Variants in CBR4 observed in about 807,000 individuals in gnomAD.
The protein encoded by CBR4 is 3-oxoacyl-[acyl-carrier-protein] reductase.
CBR4 carries 22 observed loss-of-function variants against 21.0 expected under a neutral mutation model. The ratio of observed to expected loss-of-function variants is 1.05; its 90% CI spans 0.75 to 1.50. The LOEUF is 1.50. CBR4 is among the 40% of genes most tolerant of loss of function. The probability of loss-of-function intolerance (pLI) is 0.00; values close to 1 mark genes in which losing one functional copy is unlikely to be tolerated. For synonymous variants in CBR4, 100 were observed against 104.4 expected, an observed-to-expected ratio of 0.96 and a Z score of 0.26; for missense variants, 302 against 286.3, an observed-to-expected ratio of 1.05 and a Z score of -0.40.
At chr4:168,939,972 G>A (rs1192908665) in intron 2 of CBR4, among the ~76,000 whole-genome samples, 9 of 151,956 alleles carry the variant, frequency 5.9e-5, no homozygotes, top group South Asian at 2.1e-4. Context: ...AAAAGAGCCC[G>A]CATAGACAAG....
Position 168,987,912 on chromosome 4 carries a change from C to T in CBR4, c.*2238G>A. 1 of 983,572 alleles carries T rather than the reference C, an allele frequency of 1.0e-6. No individual in the cohort carries two copies. The highest frequency in any genetic ancestry group is 1.2e-6 in the Non-Finnish European group (1 of 828,426). 60.9% of individuals were successfully genotyped at this position (983,572 alleles called of 1,614,324 possible). A position where few individuals can be genotyped will look rare whatever the true frequency, so the allele number is the denominator to read the frequency against. On this transcript the variant is annotated 3_prime_UTR_variant, in exon 5 of 5. Coordinates refer to ENST00000306193, the MANE Select transcript of CBR4 (RefSeq NM_032783.5). ...AAAAGAGCACAAATTTTAAAGCCCT[C>T]CATGCAAAAAAAAATTAATACATTG...
intron 2 of CBR4, among the ~76,000 whole-genome samples, chr4:168,929,757 A>AAAT (rs1177440306): frequency 2.0e-5 from 3 of 152,200 alleles, no homozygotes; most frequent in African/African-American, 7.2e-5. Flanking sequence ...ATGGAGATTA[A>AAAT]AATAGCACCC....
At chr4:168,923,215 C>T (rs1324264621) in intron 2 of CBR4, among the ~76,000 whole-genome samples, 1 of 152,198 alleles carries the variant, frequency 6.6e-6, no homozygotes, top group African/African-American at 2.4e-5. Context: ...TCCCACTTCT[C>T]CCAGAATAGC....
intron 2 of CBR4, among the ~76,000 whole-genome samples, chr4:168,934,763 A>G (rs1763062628): frequency 6.6e-6 from 1 of 152,148 alleles, no homozygotes; most frequent in Admixed American, 6.5e-5. Flanking sequence ...AAGAAAGAAA[A>G]AAAACTGCCA....
intron 2 of CBR4, among the ~76,000 whole-genome samples, chr4:168,899,103 A>G (rs1292184656): frequency 1.3e-5 from 2 of 152,198 alleles, no homozygotes; most frequent in African/African-American, 2.4e-5. Flanking sequence ...CAGACAAGTA[A>G]TGCTCACCAC....
chr4:169,005,822 G>T, intron 3 of CBR4: 1 of 1,171,524 alleles, frequency 8.5e-7, no homozygotes, highest in Non-Finnish European at 1.1e-6. Context: ...TTTCAAAACA[G>T]AAAAACTCTA....
chr4:168,962,180 T>TA (rs1194524875), intron 2 of CBR4, among the ~76,000 whole-genome samples: 3 of 151,994 alleles, frequency 2.0e-5, no homozygotes, highest in Non-Finnish European at 4.4e-5. Context: ...ATCCTAAAAT[T>TA]AAAAGGTAAG....
Position 168,989,187 on chromosome 4 carries a change from A to T in CBR4, c.*963T>A. ...TCTAGAATTTTGGGATAAGAATCAT[A>T]ATCACTAATGCAAAATACTCTTAAT... On this transcript the variant is annotated 3_prime_UTR_variant, in exon 5 of 5. Coordinates refer to ENST00000306193, the MANE Select transcript of CBR4 (RefSeq NM_032783.5). 1 of 967,254 alleles carries T rather than the reference A, an allele frequency of 1.0e-6. No individual in the cohort carries two copies. The highest frequency in any genetic ancestry group is 1.2e-6 in the Non-Finnish European group (1 of 813,396). 59.9% of individuals were successfully genotyped at this position (967,254 alleles called of 1,614,324 possible). A position where few individuals can be genotyped will look rare whatever the true frequency, so the allele number is the denominator to read the frequency against.
At chr4:168,966,948 G>A (rs1230567329) in intron 2 of CBR4, among the ~76,000 whole-genome samples, 2 of 151,326 alleles carry the variant, frequency 1.3e-5, no homozygotes, top group African/African-American at 2.4e-5. Context: ...CCGGGAGGCC[G>A]AGCTTGCAGC....
chr4:168,921,840 A>T, intron 2 of CBR4: 1 of 946,314 alleles, frequency 1.1e-6, no homozygotes, highest in South Asian at 1.4e-5. Context: ...AAAATAAAGT[A>T]TTGAAAAAAT....
rs556133133 is a variant in CBR4, at chr4:168,960,053, A to G, written n.169+42018T>C. The stretch of plus-strand genomic sequence containing the variant: ...CAATATTACCTAATTTTCAACATAC[A>G]GGTTTTATACTTCTGTTAAATGTAT... On this transcript the variant is annotated intron_variant and non_coding_transcript_variant, in intron 2 of 3. Transcript: ENST00000509108. 3.0e-3 allele frequency among the ~76,000 whole-genome samples: 453 copies of G among 152,232 alleles called. 1 individual carries two copies. Among genetic ancestry groups the G allele is most frequent in the Non-Finnish European group, 5.3e-3 (361 of 68,004 alleles).
chr4:168,980,546 G>A (rs1013216088), intron 2 of CBR4, among the ~76,000 whole-genome samples: 2 of 151,860 alleles, frequency 1.3e-5, no homozygotes, highest in Non-Finnish European at 2.9e-5. Context: ...GACCAGCCTG[G>A]CCACCATGGT....
chr4:168,963,411 A>G (rs1763920341), intron 2 of CBR4, among the ~76,000 whole-genome samples: 1 of 152,150 alleles, frequency 6.6e-6, no homozygotes, highest in South Asian at 2.1e-4. Flanking sequence ...CAATGGATTG[A>G]CAATTAGAGC....
intron 2 of CBR4, among the ~76,000 whole-genome samples, chr4:168,962,036 C>T (rs1163458314): frequency 6.7e-6 from 1 of 149,466 alleles, no homozygotes; most frequent in African/African-American, 2.5e-5. Flanking sequence ...AAAAAAAAAA[C>T]CATTATATTA....
At chr4:168,984,184 G>T (rs1764619765), downstream of CBR4, among the ~76,000 whole-genome samples, 1 of 152,016 alleles carries the variant, frequency 6.6e-6, no homozygotes, top group South Asian at 2.1e-4. Context: ...AAGGCTCCTA[G>T]ATCTGATAAA....
At chr4:168,987,108 A>G (rs185115630), downstream of CBR4, among the ~76,000 whole-genome samples, 5 of 152,326 alleles carry the variant, frequency 3.3e-5, no homozygotes, top group African/African-American at 7.2e-5. Context: ...TACCATCTCC[A>G]TTTGGATTAT....
chr4:168,915,986 C>G lies in CBR4; in HGVS notation n.170-21221G>C. 5 of 1,613,818 alleles carry G rather than the reference C, an allele frequency of 3.1e-6. No homozygotes were observed. Among genetic ancestry groups the G allele is most frequent in the Non-Finnish European group, 4.2e-6 (5 of 1,179,720 alleles). On this transcript the variant is annotated intron_variant and non_coding_transcript_variant, in intron 2 of 3. Transcript: ENST00000509108. The stretch of plus-strand genomic sequence containing the variant: ...TCACTTCTTGCAGGCTCCTGGAGAT[C>G]TGACTGTTCAAGAAGGAAAACTCTG...
chr4:168,930,537 A>G (rs1157008533), intron 2 of CBR4, among the ~76,000 whole-genome samples: 1 of 152,226 alleles, frequency 6.6e-6, no homozygotes, highest in Non-Finnish European at 1.5e-5. Context: ...TGATGTCAGC[A>G]AGATGGCTGA....
intron 2 of CBR4, among the ~76,000 whole-genome samples, chr4:168,902,549 C>T (rs867637783): frequency 2.0e-5 from 3 of 151,902 alleles, no homozygotes; most frequent in Non-Finnish European, 4.4e-5. Flanking sequence ...GGCTGAGGCA[C>T]GAGAATTGTT....
Sources: gnomAD v4.1 joint callset for allele counts (sites outside exome capture counted in the v4.1 genomes callset) on GRCh38, gnomAD v4.1.1 for gene constraint, MANE v1.5 for transcripts, NCBI Gene and HGNC (gene_info 2026-07-23, HGNC 2026-07-21) for gene names.